The following GOLPH3L variants were observed in gnomAD, a reference collection of about 807,000 sequenced individuals.
The protein encoded by GOLPH3L is Golgi phosphoprotein 3-like.
A neutral mutation model predicts 30.3 loss-of-function variants in GOLPH3L; 22 were observed. The ratio of observed to expected loss-of-function variants is 0.73; its 90% CI spans 0.52 to 1.04. GOLPH3L has a LOEUF of 1.04. GOLPH3L is among the 50% of genes least tolerant of loss of function. GOLPH3L has a pLI of 0.00. For synonymous variants in GOLPH3L, 120 were observed against 128.2 expected, an observed-to-expected ratio of 0.94 and a Z score of 0.43; for missense variants, 303 against 345.8, an observed-to-expected ratio of 0.88 and a Z score of 0.98.
intron 4 of GOLPH3L, among the ~76,000 whole-genome samples, chr1:150,649,113 A>G (rs2101772230): frequency 6.6e-6 from 1 of 152,352 alleles, no homozygotes; most frequent in East Asian, 1.9e-4. Flanking sequence ...TGAAGCTAAG[A>G]GGACTGAGGT....
chr1:150,651,698 G>A lies in GOLPH3L; in HGVS notation c.431-2950C>T, dbSNP rs587675515. Among the ~76,000 whole-genome samples the A allele has an allele frequency of 3.4e-5, 5 of 148,210 alleles. No homozygotes were observed. In the East Asian group the frequency reaches 9.8e-4, roughly 29 times the overall value. On this transcript the variant is annotated intron_variant, in intron 4 of 4. Transcript: ENST00000271732. ...AACAAAATGAAAAAATCACTCAAGG[G>A]ATCCAACAAGAGATCTGAGCTGGCA...
intron 2 of GOLPH3L, among the ~76,000 whole-genome samples, chr1:150,686,926 T>C (rs1241885817): frequency 6.6e-6 from 1 of 151,352 alleles, no homozygotes; most frequent in Non-Finnish European, 1.5e-5. Flanking sequence ...GGGGTTAATA[T>C]GCCTGGATAT....
chr1:150,695,260 C>A (rs1397949977), intron 1 of GOLPH3L, among the ~76,000 whole-genome samples: 2 of 152,190 alleles, frequency 1.3e-5, no homozygotes, highest in Non-Finnish European at 2.9e-5. Context: ...CCTCAGCCTC[C>A]TGAGTAGTTG....
intron 2 of GOLPH3L, among the ~76,000 whole-genome samples, chr1:150,678,141 A>C (rs113888078): frequency 1.3e-5 from 2 of 151,628 alleles, no homozygotes; most frequent in African/African-American, 4.8e-5. Flanking sequence ...CTCTACTAAA[A>C]ATACAAAATT....
intron 2 of GOLPH3L, among the ~76,000 whole-genome samples, chr1:150,680,160 A>G (rs976189959): frequency 3.3e-5 from 5 of 152,112 alleles, no homozygotes; most frequent in Admixed American, 6.6e-5. Context: ...GGGAATGGAA[A>G]GGAGGTATCA....
intron 2 of GOLPH3L, among the ~76,000 whole-genome samples, chr1:150,673,988 C>T (rs936498821): frequency 6.6e-6 from 1 of 151,264 alleles, no homozygotes; most frequent in Non-Finnish European, 1.5e-5. Context: ...TATCTCCCCA[C>T]AACTCACGTG....
At chr1:150,653,721 A>C (rs1337063880) in intron 4 of GOLPH3L, among the ~76,000 whole-genome samples, 1 of 151,102 alleles carries the variant, frequency 6.6e-6, no homozygotes, top group Non-Finnish European at 1.5e-5. Flanking sequence ...GTCCCAAAGT[A>C]CTGGGATTAC....
chr1:150,696,728 G>A (rs1651364782), intron 1 of GOLPH3L, among the ~76,000 whole-genome samples: 1 of 132,450 alleles, frequency 7.6e-6, no homozygotes, highest in Non-Finnish European at 1.5e-5. Flanking sequence ...AGCCTATCTG[G>A]CACTGTGAAT....
intron 2 of GOLPH3L, among the ~76,000 whole-genome samples, chr1:150,667,196 T>C (rs1044556581): frequency 4.3e-4 from 65 of 152,202 alleles, no homozygotes; most frequent in African/African-American, 1.5e-3. Context: ...GTTATCTTTA[T>C]TGCTCACCTC....
At position 150,663,631 on chromosome 1, in the gene GOLPH3L, C is replaced by G. The variant is rs1557782767; in HGVS notation, c.315+1G>C. ...ATGGACGTTCACAGAGGATTCAGTA[C>G]CTTTCTGTCTAGTAGTCGCTTCTTA... On this transcript the variant is annotated splice_donor_variant, in intron 3 of 4. Transcript: ENST00000271732. LOFTEE classifies it high-confidence loss of function. 6.2e-7 allele frequency: 1 copy of G among 1,610,676 alleles called. No homozygotes were observed. Among genetic ancestry groups the G allele is most frequent in the South Asian group, 1.1e-5 (1 of 90,776 alleles).
At chr1:150,657,220 A>AC (rs1385855235) in intron 4 of GOLPH3L, among the ~76,000 whole-genome samples, 1 of 152,232 alleles carries the variant, frequency 6.6e-6, no homozygotes, top group Non-Finnish European at 1.5e-5. Flanking sequence ...TACATCACTC[A>AC]CATTAGGGCT....
chr1:150,674,617 A>G (rs587640235), intron 2 of GOLPH3L, among the ~76,000 whole-genome samples: 34 of 151,990 alleles, frequency 2.2e-4, no homozygotes, highest in Non-Finnish European at 3.8e-4. Context: ...GCTCCTACCT[A>G]TAATCCCAGC....
At chr1:150,661,048 T>G (rs1267560523) in intron 4 of GOLPH3L, among the ~76,000 whole-genome samples, 1 of 152,060 alleles carries the variant, frequency 6.6e-6, no homozygotes, top group Non-Finnish European at 1.5e-5. Context: ...GCCAATATGG[T>G]GAAACCCTGT....
chr1:150,690,444 A>G (rs1651184630), intron 2 of GOLPH3L, among the ~76,000 whole-genome samples: 2 of 152,172 alleles, frequency 1.3e-5, no homozygotes, highest in Admixed American at 1.3e-4. Context: ...AAAACAAGCA[A>G]TTATATACAC....
In GOLPH3L at chr1:150,648,758, A is replaced by C. The variant is rs776097361; in HGVS notation, c.431-10T>G. 2.6e-6 allele frequency: 4 copies of C among 1,568,014 alleles called. No homozygotes were observed. Among genetic ancestry groups the C allele is most frequent in the Non-Finnish European group, 3.5e-6 (4 of 1,140,928 alleles). On this transcript the variant is annotated splice_polypyrimidine_tract_variant and intron_variant, in intron 4 of 4. Coordinates refer to ENST00000271732, the MANE Select transcript of GOLPH3L (RefSeq NM_018178.6). ...GGGTTCCAGGTCTCACCTATGAGAA[A>C]AAAGAAATAGGACATAATGAACTGA...
intron 2 of GOLPH3L, among the ~76,000 whole-genome samples, chr1:150,689,246 A>G (rs1034245620): frequency 2.0e-5 from 3 of 152,232 alleles, no homozygotes; most frequent in African/African-American, 7.2e-5. Flanking sequence ...GTTGAAAAAC[A>G]TTATCCACAA....
chr1:150,664,794 G>A (rs1261142297), intron 2 of GOLPH3L, among the ~76,000 whole-genome samples: 2 of 152,066 alleles, frequency 1.3e-5, no homozygotes, highest in Non-Finnish European at 2.9e-5. Context: ...GAAACCCACT[G>A]TCATTAAGTG....
chr1:150,679,726 A>G (rs2065900), intron 2 of GOLPH3L, among the ~76,000 whole-genome samples: 58,547 of 152,068 alleles, frequency 0.39, 11,595 homozygotes, highest in South Asian at 0.55. Context: ...CTTGAGCCCA[A>G]GAGGTGGAGC....
chr1:150,679,179 G>C (rs889076522), intron 2 of GOLPH3L, among the ~76,000 whole-genome samples: 1 of 152,098 alleles, frequency 6.6e-6, no homozygotes, highest in Non-Finnish European at 1.5e-5. Context: ...TGCTGAGAAA[G>C]ATTTGTCACA....
Sources: allele counts gnomAD v4.1 joint callset (sites outside exome capture counted in the v4.1 genomes callset), GRCh38; gene constraint gnomAD v4.1.1; transcripts MANE v1.5; gene names NCBI Gene and HGNC (gene_info 2026-07-23, HGNC 2026-07-21).